The following RALYL variants were observed in gnomAD, a reference collection of about 807,000 sequenced individuals.
The protein encoded by RALYL is RALY RNA binding protein like.
In RALYL, 29 loss-of-function variants were observed where a neutral mutation model predicts 35.1. The ratio of observed to expected loss-of-function variants is 0.83; its 90% confidence interval spans 0.61 to 1.13. RALYL has a LOEUF of 1.13. Among genes scored for constraint, RALYL ranks in the 50% most tolerant of loss-of-function variants. The pLI is 0.00. For missense variants in RALYL, 359 were observed against 360.4 expected, an observed-to-expected ratio of 1.00 and a Z score of 0.03; for synonymous variants, 120 against 127.6, an observed-to-expected ratio of 0.94 and a Z score of 0.40.
chr8:84,861,111 A>G (rs1838016220), intron 5 of RALYL, among the ~76,000 whole-genome samples: 1 of 151,874 alleles, frequency 6.6e-6, no homozygotes, highest in Non-Finnish European at 1.5e-5. Context: ...TCTGACTTTC[A>G]TATTAGATTG....
chr8:84,601,606 C>A (rs1266734203), intron 2 of RALYL, among the ~76,000 whole-genome samples: 2 of 151,658 alleles, frequency 1.3e-5, no homozygotes, highest in Non-Finnish European at 2.9e-5. Context: ...GCTGCTGCCA[C>A]CATCTTGCAA....
At position 84,555,109 on chromosome 8, in the gene RALYL, C is replaced by T. The variant is rs765876457; in HGVS notation, c.256+25532C>T. ...GCCTGACCAACATGGTGAAACCCCA[C>T]CTCTACTAAAAATACAAAAATTAGC... On this transcript the variant is annotated intron_variant, in intron 2 of 8. Coordinates refer to ENST00000521268, the MANE Select transcript of RALYL (RefSeq NM_173848.7). Among the ~76,000 whole-genome samples, 275 of 152,028 alleles carry T rather than the reference C, an allele frequency of 1.8e-3. 1 individual carries two copies. Among genetic ancestry groups the T allele is most frequent in the Middle Eastern group, 3.4e-3 (1 of 294 alleles).
intron 2 of RALYL, among the ~76,000 whole-genome samples, chr8:84,547,277 T>A (rs987991274): frequency 1.3e-5 from 2 of 152,206 alleles, no homozygotes; most frequent in African/African-American, 4.8e-5. Flanking sequence ...TATTTAGCGT[T>A]ATTTCTGGCA....
intron 4 of RALYL, among the ~76,000 whole-genome samples, chr8:84,815,326 A>ATAAT (rs1826921446): frequency 6.7e-6 from 1 of 150,264 alleles, no homozygotes; most frequent in Admixed American, 6.6e-5. Flanking sequence ...ATTAAATAAT[A>ATAAT]TAATTTCAAT....
At chr8:84,890,913 C>T (rs1043250897) in intron 8 of RALYL, among the ~76,000 whole-genome samples, 2 of 151,900 alleles carry the variant, frequency 1.3e-5, no homozygotes, top group Non-Finnish European at 2.9e-5. Flanking sequence ...GAAAGGAACA[C>T]GGTTGTGGGG....
At chr8:84,347,537 T>A (rs1001037629) in intron 1 of RALYL, among the ~76,000 whole-genome samples, 3 of 152,092 alleles carry the variant, frequency 2.0e-5, no homozygotes, top group Non-Finnish European at 4.4e-5. Flanking sequence ...ATCCTGTTCT[T>A]CTTGGTTAGT....
chr8:84,877,202 AGTGGCCGGCCGCG>A, intron 7 of RALYL, among the ~76,000 whole-genome samples: 1 of 152,136 alleles, frequency 6.6e-6, no homozygotes, highest in East Asian at 1.9e-4. Flanking sequence ...ATTTAAAGGG[AGTGGCCGGCCGCG>A]GTGGCTCACA....
intron 1 of RALYL, among the ~76,000 whole-genome samples, chr8:84,304,299 A>G (rs1841385275): frequency 6.6e-6 from 1 of 151,934 alleles, no homozygotes; most frequent in Admixed American, 6.6e-5. Context: ...TTGTATTTTT[A>G]GTAGAGATGA....
At chr8:84,525,252 T>C (rs1242981306) in intron 1 of RALYL, among the ~76,000 whole-genome samples, 1 of 152,056 alleles carries the variant, frequency 6.6e-6, no homozygotes, top group East Asian at 1.9e-4. Context: ...TTACATGAGC[T>C]CCATCCAAAC....
chr8:84,352,914 T>C (rs1435003999), intron 1 of RALYL, among the ~76,000 whole-genome samples: 1 of 150,072 alleles, frequency 6.7e-6, no homozygotes, highest in Non-Finnish European at 1.5e-5. Flanking sequence ...AAACTCTTTT[T>C]AGTAAGAAAA....
intron 2 of RALYL, among the ~76,000 whole-genome samples, chr8:84,648,566 A>G (rs938327434): frequency 6.6e-6 from 1 of 152,014 alleles, no homozygotes; most frequent in African/African-American, 2.4e-5. Context: ...TGAACTATTA[A>G]CATAAGAAAA....
At chr8:84,288,389 C>T (rs975265801) in intron 1 of RALYL, among the ~76,000 whole-genome samples, 2 of 152,018 alleles carry the variant, frequency 1.3e-5, no homozygotes, top group African/African-American at 2.4e-5. Context: ...TCATCATTGC[C>T]GATTTTCTCT....
chr8:84,757,435 C>T (rs1005614041), intron 2 of RALYL, among the ~76,000 whole-genome samples: 3 of 152,044 alleles, frequency 2.0e-5, no homozygotes, highest in African/African-American at 4.8e-5. Flanking sequence ...GAAAAAACTG[C>T]CGATGTGCAG....
At chr8:84,735,005 T>TTGTGTGTGTGTG (rs3068131) in intron 2 of RALYL, among the ~76,000 whole-genome samples, 1 of 146,570 alleles carries the variant, frequency 6.8e-6, no homozygotes, top group Non-Finnish European at 1.5e-5. Flanking sequence ...ATAGATATGT[T>TTGTGTGTGTGTG]TGTGTGTGTG....
intron 1 of RALYL, among the ~76,000 whole-genome samples, chr8:84,222,089 A>G (rs1011855907): frequency 2.6e-5 from 4 of 152,120 alleles, no homozygotes; most frequent in African/African-American, 9.6e-5. Context: ...TCATGGCTGC[A>G]TTAATATCGG....
At chr8:84,544,055 A>T (rs1223903419) in intron 2 of RALYL, among the ~76,000 whole-genome samples, 1 of 152,034 alleles carries the variant, frequency 6.6e-6, no homozygotes, top group Non-Finnish European at 1.5e-5. Flanking sequence ...ATAATTTTTT[A>T]TTTGAGGGCT....
At chr8:84,641,598 T>C (rs139895649) in intron 2 of RALYL, among the ~76,000 whole-genome samples, 153 of 152,008 alleles carry the variant, frequency 1.0e-3, no homozygotes, top group African/African-American at 3.7e-3. Flanking sequence ...TTGATCTAGA[T>C]TACTTTTGAA....
rs1004239965 is a variant in RALYL, at chr8:84,420,756, C to T, written c.-23-108543C>T. Among the ~76,000 whole-genome samples, 57 of 111,454 alleles carry T rather than the reference C, an allele frequency of 5.1e-4. No individual in the cohort carries two copies. The East Asian group carries it at 7.6e-3, about 15-fold the overall frequency. The allele number at this position is 111,454 out of a possible 152,430, so 73.1% of individuals were successfully genotyped here. ...TAAGGGAGGGATCCACTTTCAGCTT[C>T]CTACATATGGCTAGCCAGTTTTCCC... On this transcript the variant is annotated intron_variant, in intron 1 of 8. Coordinates refer to ENST00000521268, the MANE Select transcript of RALYL (RefSeq NM_173848.7).
At chr8:84,604,535 GC>G (rs1168273653) in intron 2 of RALYL, among the ~76,000 whole-genome samples, 1 of 152,110 alleles carries the variant, frequency 6.6e-6, no homozygotes, top group Non-Finnish European at 1.5e-5. Context: ...GTACTTTGCT[GC>G]AAGTATTCCT....
Sources: gnomAD v4.1 joint callset for allele counts (sites outside exome capture counted in the v4.1 genomes callset) on GRCh38, gnomAD v4.1.1 for gene constraint, MANE v1.5 for transcripts, NCBI Gene and HGNC (gene_info 2026-07-23, HGNC 2026-07-21) for gene names.